The following GPC5 variants were observed in gnomAD, a reference collection of about 807,000 sequenced individuals.
GPC5 encodes glypican 5, also known as glypican-5.
A neutral mutation model predicts 53.9 loss-of-function variants in GPC5; 47 were observed. The ratio of observed to expected loss-of-function variants is 0.87; its 90% CI spans 0.69 to 1.11. The LOEUF is 1.11. GPC5 is among the 50% of genes most tolerant of loss of function. The probability of loss-of-function intolerance (pLI) is 0.00; values close to 1 mark genes in which losing one functional copy is unlikely to be tolerated. For synonymous variants in GPC5, 286 were observed against 263.3 expected, an observed-to-expected ratio of 1.09 and a Z score of -0.84; for missense variants, 748 against 713.1, an observed-to-expected ratio of 1.05 and a Z score of -0.56.
intron 2 of GPC5, among the ~76,000 whole-genome samples, chr13:91,647,182 T>A (rs1042410876): frequency 6.6e-6 from 1 of 151,798 alleles, no homozygotes. Flanking sequence ...GTGCAGGGTA[T>A]ACATGTGGCA....
chr13:92,632,701 C>T (rs963736288), intron 7 of GPC5, among the ~76,000 whole-genome samples: 17 of 152,084 alleles, frequency 1.1e-4, no homozygotes, highest in East Asian at 1.9e-4. Flanking sequence ...CATTTCCTCA[C>T]GGCTGATAAA....
In GPC5 at chr13:92,544,900, G is replaced by T. The variant is rs77444538; in HGVS notation, c.1562-321382G>T. 7.4e-3 allele frequency among the ~76,000 whole-genome samples: 1,119 copies of T among 151,772 alleles called. 29 individuals are homozygous for T. The highest frequency in any genetic ancestry group is 0.061 in the East Asian group (314 of 5,164). On this transcript the variant is annotated intron_variant, in intron 7 of 7. Transcript: ENST00000377067. ...AAAAAACTCTCATTGAGAGTTAAGA[G>T]ATTTTATTTTATTTTATTTTTTATT...
At position 91,736,551 on chromosome 13, in the gene GPC5, C is replaced by T. The variant is rs2036819511; in HGVS notation, c.1154+7886C>T. 2.0e-5 allele frequency among the ~76,000 whole-genome samples: 3 copies of T among 150,844 alleles called. 1 individual carries two copies. Among genetic ancestry groups the T allele is most frequent in the African/African-American group, 7.4e-5 (3 of 40,420 alleles). On this transcript the variant is annotated intron_variant, in intron 4 of 7. Coordinates refer to ENST00000377067, the MANE Select transcript of GPC5 (RefSeq NM_004466.6). ...ATAAATGACTGAGAACAGTTGTTGA[C>T]TTGTTTGGATTTCCTACTATAACCC...
intron 7 of GPC5, among the ~76,000 whole-genome samples, chr13:92,450,979 G>A (rs552879970): frequency 3.9e-5 from 6 of 152,272 alleles, no homozygotes; most frequent in African/African-American, 7.2e-5. Context: ...CCTCAGTAAA[G>A]GTTACCTGTT....
intron 7 of GPC5, among the ~76,000 whole-genome samples, chr13:92,750,253 C>T (rs745354611): frequency 9.2e-5 from 14 of 152,068 alleles, no homozygotes; most frequent in South Asian, 8.3e-4. Context: ...ATTTTGTAAA[C>T]TGTAAGAAAA....
intron 7 of GPC5, among the ~76,000 whole-genome samples, chr13:92,739,361 G>A (rs1287763710): frequency 6.6e-6 from 1 of 152,010 alleles, no homozygotes; most frequent in Non-Finnish European, 1.5e-5. Flanking sequence ...AAGAGCATGA[G>A]GAACAATGTA....
intron 7 of GPC5, among the ~76,000 whole-genome samples, chr13:92,782,699 GA>G (rs1432206364): frequency 6.6e-6 from 1 of 152,082 alleles, no homozygotes; most frequent in African/African-American, 2.4e-5. Context: ...TGTGAATATA[GA>G]CTGGTTTATT....
chr13:92,057,881 G>T (rs1347567672), intron 6 of GPC5, among the ~76,000 whole-genome samples: 5 of 152,128 alleles, frequency 3.3e-5, no homozygotes, highest in African/African-American at 1.2e-4. Flanking sequence ...TTGTTTTATT[G>T]GGGTACAGAG....
At chr13:91,877,897 C>A (rs2039221483) in intron 5 of GPC5, among the ~76,000 whole-genome samples, 1 of 151,998 alleles carries the variant, frequency 6.6e-6, no homozygotes, top group African/African-American at 2.4e-5. Flanking sequence ...ATCATGGGGG[C>A]CGGTCTTTCC....
intron 6 of GPC5, among the ~76,000 whole-genome samples, chr13:91,969,514 A>G (rs911089661): frequency 2.6e-5 from 4 of 152,188 alleles, no homozygotes; most frequent in African/African-American, 9.6e-5. Flanking sequence ...AAAAAATAAA[A>G]CAAGGGGTAC....
At position 91,637,538 on chromosome 13, in the gene GPC5, T is replaced by C. The variant is rs1195823419; in HGVS notation, c.326-55649T>C. The stretch of plus-strand genomic sequence containing the variant: ...TAGGTACCAAATGAATTCATATTTC[T>C]GGAAAGAACAAGAAGTGATAGTTGA... On this transcript the variant is annotated intron_variant, in intron 2 of 7. Coordinates refer to ENST00000377067, the MANE Select transcript of GPC5 (RefSeq NM_004466.6). Among the ~76,000 whole-genome samples, 4 of 152,166 alleles carry C rather than the reference T, an allele frequency of 2.6e-5. No individual in the cohort carries two copies. In the East Asian group the frequency reaches 7.7e-4, roughly 29 times the overall value.
rs999650837 is a variant in GPC5, at chr13:92,818,193, T to G, written c.1562-48089T>G. 5.3e-5 allele frequency among the ~76,000 whole-genome samples: 8 copies of G among 151,542 alleles called. 1 individual carries two copies. Among genetic ancestry groups the G allele is most frequent in the African/African-American group, 1.7e-4 (7 of 41,096 alleles). ...GCACCTGGCTAATTTTTGTCTTCAG[T>G]AAAGATGGGGTTCACCATATTGGCC... On this transcript the variant is annotated intron_variant, in intron 7 of 7. Coordinates refer to ENST00000377067, the MANE Select transcript of GPC5 (RefSeq NM_004466.6).
At chr13:91,726,687 T>A (rs991273335) in intron 3 of GPC5, among the ~76,000 whole-genome samples, 1 of 152,138 alleles carries the variant, frequency 6.6e-6, no homozygotes. Flanking sequence ...CAAATCCATA[T>A]CCAAGTGCTA....
intron 7 of GPC5, among the ~76,000 whole-genome samples, chr13:92,628,596 C>T (rs1885132840): frequency 6.6e-6 from 1 of 152,072 alleles, no homozygotes; most frequent in Non-Finnish European, 1.5e-5. Flanking sequence ...CCTTTGGTGG[C>T]AACGTGTCCC....
intron 7 of GPC5, among the ~76,000 whole-genome samples, chr13:92,700,906 T>A (rs1479815905): frequency 6.6e-6 from 1 of 152,126 alleles, no homozygotes; most frequent in Non-Finnish European, 1.5e-5. Context: ...CTAGTCTACA[T>A]CTTCTTCAGG....
At chr13:91,588,950 A>G (rs1181840148) in intron 2 of GPC5, among the ~76,000 whole-genome samples, 1 of 152,118 alleles carries the variant, frequency 6.6e-6, no homozygotes. Flanking sequence ...CTTTCCCTTT[A>G]GTTAATATAG....
chr13:92,782,602 T>C (rs1046211813), intron 7 of GPC5, among the ~76,000 whole-genome samples: 1 of 152,174 alleles, frequency 6.6e-6, no homozygotes, highest in Non-Finnish European at 1.5e-5. Flanking sequence ...CAGTCACGCG[T>C]TTATCACAGT....
chr13:91,729,678 T>G (rs1179014541), intron 4 of GPC5, among the ~76,000 whole-genome samples: 1 of 152,172 alleles, frequency 6.6e-6, no homozygotes, highest in Admixed American at 6.5e-5. Flanking sequence ...TTATTTTACA[T>G]GTAAAGTAGC....
intron 6 of GPC5, among the ~76,000 whole-genome samples, chr13:91,968,500 C>T (rs373433769): frequency 1.3e-5 from 2 of 151,718 alleles, no homozygotes; most frequent in Non-Finnish European, 2.9e-5. Context: ...CTTGCTCTGT[C>T]GCCCAGGCTG....
Sources: allele counts gnomAD v4.1 joint callset (sites outside exome capture counted in the v4.1 genomes callset), GRCh38; gene constraint gnomAD v4.1.1; transcripts MANE v1.5; gene names NCBI Gene and HGNC (gene_info 2026-07-23, HGNC 2026-07-21).